The following SLC22A2 variants were observed in gnomAD, a reference collection of about 807,000 sequenced individuals.
SLC22A2 encodes the protein organic cation transporter 2.
SLC22A2 carries 46 observed loss-of-function variants against 60.5 expected under a neutral mutation model. The ratio of observed to expected loss-of-function variants is 0.76; its 90% CI spans 0.60 to 0.97. The LOEUF (loss-of-function observed/expected upper bound fraction) is 0.97, where lower values mean the gene tolerates loss of function less well. SLC22A2 is among the 50% of genes least tolerant of loss of function. SLC22A2 has a pLI of 0.00. For missense variants in SLC22A2, 701 were observed against 706.6 expected, an observed-to-expected ratio of 0.99 and a Z score of 0.09; for synonymous variants, 303 against 267.0, an observed-to-expected ratio of 1.13 and a Z score of -1.31.
Position 160,243,777 on chromosome 6 carries a change from G to A in SLC22A2, c.1074C>T (p.Ser358=), listed in dbSNP as rs1783049787. The change falls in exon 7 of 11, where the codon AGC becomes AGT. Residue 358 remains serine (S), a synonymous_variant. Coordinates refer to ENST00000366953, the MANE Select transcript of SLC22A2 (RefSeq NM_003058.4). ...TGATGAGGCCCTGGTAGAGCACAGA[G>A]CTCGTGAACCTGAGCAAAGAGGAGA... ...TMILMYNWFT[S]SVLYQGLIMH... 2 of 1,613,012 alleles carry A rather than the reference G, an allele frequency of 1.2e-6. No individual in the cohort carries two copies. The highest frequency in any genetic ancestry group is 1.7e-5 in the Admixed American group (1 of 60,026).
Position 160,242,285 on chromosome 6 carries a change from T to C in SLC22A2, c.1388+9A>G, listed in dbSNP as rs3219196. On this transcript the variant is annotated intron_variant, in intron 8 of 10. Coordinates refer to ENST00000366953, the MANE Select transcript of SLC22A2 (RefSeq NM_003058.4). The stretch of plus-strand genomic sequence containing the variant: ...CCCACCCTCGTCATTCTAAGGAAAA[T>C]GCACTCACCTAATGAATGTGGGGTA... 3.7e-5 allele frequency: 54 copies of C among 1,450,860 alleles called. No homozygotes were observed. In the Admixed American group the frequency reaches 4.2e-4, roughly 11 times the overall value. 89.9% of individuals were successfully genotyped at this position (1,450,860 alleles called of 1,614,324 possible). A position where few individuals can be genotyped will look rare whatever the true frequency, so the allele number is the denominator to read the frequency against.
intron 9 of SLC22A2, among the ~76,000 whole-genome samples, chr6:160,226,788 G>T (rs2114852118): frequency 6.6e-6 from 1 of 152,112 alleles, no homozygotes; most frequent in African/African-American, 2.4e-5. Context: ...CCAACTGATT[G>T]AATTGAACTG....
Position 160,256,725 on chromosome 6 carries a change from C to A in SLC22A2, c.415-8G>T. On this transcript the variant is annotated splice_region_variant and splice_polypyrimidine_tract_variant and intron_variant, in intron 1 of 10. Transcript: ENST00000366953. Reference sequence around the variant, plus strand: ...GGCACATACCAGGTTAAACTGCCAGCAGGGGAGAAGTGTTCCAAGTTGGGA... The same window carrying A: ...GGCACATACCAGGTTAAACTGCCAGAAGGGGAGAAGTGTTCCAAGTTGGGA... The A allele has an allele frequency of 6.3e-7, 1 of 1,594,622 alleles. No individual in the cohort carries two copies.
chr6:160,223,170 T>A (rs1227170469), intron 10 of SLC22A2, among the ~76,000 whole-genome samples: 1 of 152,186 alleles, frequency 6.6e-6, no homozygotes, highest in Non-Finnish European at 1.5e-5. Flanking sequence ...TAAAAATATC[T>A]AAACATACTG....
At chr6:160,235,366 C>T (rs148459415) in intron 9 of SLC22A2, among the ~76,000 whole-genome samples, 1 of 150,420 alleles carries the variant, frequency 6.6e-6, no homozygotes, top group Non-Finnish European at 1.5e-5. Context: ...TGCTCTTGGC[C>T]ACCTAGAAGT....
chr6:160,226,513 T>C (rs1782727127), intron 9 of SLC22A2, among the ~76,000 whole-genome samples: 1 of 152,158 alleles, frequency 6.6e-6, no homozygotes, highest in Non-Finnish European at 1.5e-5. Context: ...CATGTTCAAA[T>C]AAGGCAAACG....
At chr6:160,233,431 TA>T (rs1782858188) in intron 9 of SLC22A2, among the ~76,000 whole-genome samples, 1 of 151,692 alleles carries the variant, frequency 6.6e-6, no homozygotes, top group Non-Finnish European at 1.5e-5. Flanking sequence ...TCAGGAAAGG[TA>T]AAATGGACTA....
intron 5 of SLC22A2, 116 bp from the exon 6 acceptor site, chr6:160,245,661 A>G (rs185083438): frequency 3.8e-4 from 193 of 501,382 alleles, no homozygotes; most frequent in African/African-American, 3.3e-3. Flanking sequence ...GCCCAGCACT[A>G]GAGCAAGCAC....
intron 5 of SLC22A2, among the ~76,000 whole-genome samples, chr6:160,245,991 C>A (rs1783089105): frequency 6.6e-6 from 1 of 151,868 alleles, no homozygotes; most frequent in African/African-American, 2.4e-5. Flanking sequence ...CCTCAGCCTC[C>A]TGAGTAGCTG....
At chr6:160,224,165 A>G (rs1417761126) in intron 10 of SLC22A2, among the ~76,000 whole-genome samples, 1 of 152,210 alleles carries the variant, frequency 6.6e-6, no homozygotes, top group Non-Finnish European at 1.5e-5. Context: ...AGTTTTGACA[A>G]TCCAAGTAGT....
chr6:160,238,794 C>T (rs1193798960), intron 9 of SLC22A2, among the ~76,000 whole-genome samples: 1 of 152,140 alleles, frequency 6.6e-6, no homozygotes. Context: ...TAGTTATAAT[C>T]CTTTATCTTT....
chr6:160,254,628 T>G lies in SLC22A2; in HGVS notation c.518+1986A>C, dbSNP rs191828481. ...AAATTGCTTTCTCATTTCTTTAGGC[T>G]AGGCTTCTCACTCCTGCATGCAGGC... On this transcript the variant is annotated intron_variant, in intron 2 of 10. Transcript: ENST00000366953. 2.6e-5 allele frequency among the ~76,000 whole-genome samples: 4 copies of G among 152,374 alleles called. No homozygotes were observed. In the East Asian group the frequency reaches 7.7e-4, roughly 29 times the overall value.
At position 160,217,095 on chromosome 6, in the gene SLC22A2, C is replaced by A. The variant is rs1318550662; in HGVS notation, c.*337G>T. 3 of 195,922 alleles carry A rather than the reference C, an allele frequency of 1.5e-5. No individual in the cohort carries two copies. Among genetic ancestry groups the A allele is most frequent in the African/African-American group, 2.3e-5 (1 of 43,186 alleles). The allele number at this position is 195,922 out of a possible 1,614,324, so 12.1% of individuals were successfully genotyped here. A position where few individuals can be genotyped will look rare whatever the true frequency, so the allele number is the denominator to read the frequency against. On this transcript the variant is annotated 3_prime_UTR_variant, in exon 11 of 11. Coordinates refer to ENST00000366953, the MANE Select transcript of SLC22A2 (RefSeq NM_003058.4). ...ACTTTTTTCTATTTTGTTTGCCTAG[C>A]CCACAGTTCCCCTATGTATTCTGGT... is the stretch of plus-strand genomic sequence containing the variant.
In SLC22A2 at chr6:160,217,201, A is replaced by G. The variant is rs1310501566; in HGVS notation, c.*231T>C. ...AAACCCTCCAGAAAACCAATGTCCA[A>G]TGTCCTAGGAATGCTGAGAATAAAG... is the stretch of plus-strand genomic sequence containing the variant. On this transcript the variant is annotated 3_prime_UTR_variant, in exon 11 of 11. Transcript: ENST00000366953. The G allele has an allele frequency of 2.6e-6, 1 of 380,346 alleles. No homozygotes were observed. Among genetic ancestry groups the G allele is most frequent in the Non-Finnish European group, 4.7e-6 (1 of 214,502 alleles). The allele number at this position is 380,346 out of a possible 1,614,324, so 23.6% of individuals were successfully genotyped here. A position where few individuals can be genotyped will look rare whatever the true frequency, so the allele number is the denominator to read the frequency against.
At chr6:160,222,728 A>G (rs999891766) in intron 10 of SLC22A2, among the ~76,000 whole-genome samples, 1 of 152,226 alleles carries the variant, frequency 6.6e-6, no homozygotes, top group Non-Finnish European at 1.5e-5. Flanking sequence ...TACCAAAGAC[A>G]ATAGGAAACA....
At chr6:160,225,253 C>T (rs1184572651) in intron 9 of SLC22A2, among the ~76,000 whole-genome samples, 2 of 152,064 alleles carry the variant, frequency 1.3e-5, no homozygotes, top group African/African-American at 4.8e-5. Context: ...AAAAGTATAG[C>T]CAGGATTTTA....
At chr6:160,241,840 T>TA (rs1783008347) in intron 8 of SLC22A2, among the ~76,000 whole-genome samples, 2 of 151,142 alleles carry the variant, frequency 1.3e-5, no homozygotes, top group Admixed American at 6.6e-5. Context: ...TTCAAGAGTT[T>TA]AAAAAAACAT....
chr6:160,241,921 T>G (rs1490168949), intron 8 of SLC22A2, among the ~76,000 whole-genome samples: 1 of 137,476 alleles, frequency 7.3e-6, no homozygotes. Flanking sequence ...ATTCTGTCAT[T>G]CTTGTTTTGT....
intron 10 of SLC22A2, among the ~76,000 whole-genome samples, chr6:160,218,942 G>GCA (rs1416403331): frequency 2.8e-4 from 3 of 10,878 alleles, no homozygotes; most frequent in African/African-American, 1.0e-3. Context: ...AGTAGCAGTA[G>GCA]TAATAGCAGC....
Sources: gnomAD v4.1 joint callset for allele counts (sites outside exome capture counted in the v4.1 genomes callset) on GRCh38, gnomAD v4.1.1 for gene constraint, MANE v1.5 for transcripts, NCBI Gene and HGNC (gene_info 2026-07-23, HGNC 2026-07-21) for gene names.